The following ZNF514 variants were observed in gnomAD, a reference collection of about 807,000 sequenced individuals.
ZNF514 encodes zinc finger protein 514.
A neutral mutation model predicts 9.7 loss-of-function variants in ZNF514; 12 were observed. The observed-to-expected ratio is 1.24, with a 90% CI of 0.79 to 2.01. The LOEUF (loss-of-function observed/expected upper bound fraction) is 2.01. ZNF514 is among the 30% of genes most tolerant of loss of function. ZNF514 has a pLI of 0.00. For missense variants in ZNF514, 467 were observed against 465.5 expected, an observed-to-expected ratio of 1.00 and a Z score of -0.03; for synonymous variants, 158 against 163.7, an observed-to-expected ratio of 0.97 and a Z score of 0.27.
chr2:95,149,130 A>T lies in ZNF514; in HGVS notation c.*152T>A. On this transcript the variant is annotated 3_prime_UTR_variant, in exon 5 of 5. Coordinates refer to ENST00000295208, the MANE Select transcript of ZNF514 (RefSeq NM_032788.3). ...GGAAGCCCACCCCCTCTTGACATTG[A>T]CAGGGATTCTCTTTAGTAATTATTG... 1.0e-6 allele frequency: 1 copy of T among 980,584 alleles called. No homozygotes were observed. The highest frequency in any genetic ancestry group is 1.6e-5 in the African/African-American group (1 of 61,356). 60.7% of individuals were successfully genotyped at this position (980,584 alleles called of 1,614,324 possible).
At chr2:95,152,306 G>A (rs1226913127) in intron 4 of ZNF514, among the ~76,000 whole-genome samples, 1 of 151,744 alleles carries the variant, frequency 6.6e-6, no homozygotes, top group East Asian at 1.9e-4. Flanking sequence ...TCATTTCTGG[G>A]GTGCTCAACT....
In ZNF514 at chr2:95,145,726, C is replaced by T. The variant is rs1271347646; in HGVS notation, c.*3556G>A. 1.3e-5 allele frequency among the ~76,000 whole-genome samples: 2 copies of T among 152,188 alleles called. No individual in the cohort carries two copies. Among genetic ancestry groups the T allele is most frequent in the African/African-American group, 2.4e-5 (1 of 41,448 alleles). On this transcript the variant is annotated 3_prime_UTR_variant, in exon 5 of 5. Coordinates refer to ENST00000295208, the MANE Select transcript of ZNF514 (RefSeq NM_032788.3). ...AAATCTTACATGTATTGATGTCTTACATTCCCCTAAAATGTAAAAATGCAT... is the reference window on the plus strand; with the variant it reads ...AAATCTTACATGTATTGATGTCTTATATTCCCCTAAAATGTAAAAATGCAT...
rs940492905 is a variant in ZNF514, at chr2:95,148,888, A to G, written c.*394T>C. 1 of 177,204 alleles carries G rather than the reference A, an allele frequency of 5.6e-6. No homozygotes were observed. The highest frequency in any genetic ancestry group is 1.2e-5 in the Non-Finnish European group (1 of 84,292). 11.0% of individuals were successfully genotyped at this position (177,204 alleles called of 1,614,324 possible). ...CTGAAGATTTTTCCATACTTACCAC[A>G]CTTGTAGGATTTCTCTCCAGTACAA... On this transcript the variant is annotated 3_prime_UTR_variant, in exon 5 of 5. Coordinates refer to ENST00000295208, the MANE Select transcript of ZNF514 (RefSeq NM_032788.3).
Position 95,152,631 on chromosome 2 carries a change from A to C in ZNF514, c.217+43T>G, listed in dbSNP as rs778337331. The C allele has an allele frequency of 9.0e-6, 14 of 1,558,732 alleles. No individual in the cohort carries two copies. The East Asian group carries it at 2.7e-4, about 30-fold the overall frequency. On this transcript the variant is annotated intron_variant, in intron 4 of 4. Coordinates refer to ENST00000295208, the MANE Select transcript of ZNF514 (RefSeq NM_032788.3). ...AAGGCTCTGGGCTACCTCCCACCCC[A>C]GCTGGGCCTTATCATATGCAATGCT...
At chr2:95,152,423 G>A (rs1673567965) in intron 4 of ZNF514, among the ~76,000 whole-genome samples, 1 of 152,088 alleles carries the variant, frequency 6.6e-6, no homozygotes, top group African/African-American at 2.4e-5. Flanking sequence ...ATCTAGTGAT[G>A]CTGCATGGCA....
Position 95,152,722 on chromosome 2 carries a change from C to A in ZNF514, c.169G>T (p.Gly57Cys). ...TCTCTCTCCACCATGAAGGGCTCAC[C>A]CCCTTCCTCCAACTGGCAGATCACA... is the stretch of plus-strand genomic sequence containing the variant. ...PYVICQLEEGGEPFMVEREIS... is the reference protein window; with the variant it reads ...PYVICQLEEGCEPFMVEREIS... Residue 57 changes from glycine to cysteine, a missense_variant, in exon 4 of 5, where the codon GGT becomes TGT. Gly to Cys is a radical substitution (Grantham distance 159). Coordinates refer to ENST00000295208, the MANE Select transcript of ZNF514 (RefSeq NM_032788.3). 1.9e-6 allele frequency: 3 copies of A among 1,614,164 alleles called. No homozygotes were observed. The African/African-American group carries it at 4.0e-5, about 22-fold the overall frequency.
At chr2:95,143,988 A>G (rs1673305297), downstream of ZNF514, among the ~76,000 whole-genome samples, 1 of 152,216 alleles carries the variant, frequency 6.6e-6, no homozygotes, top group African/African-American at 2.4e-5. Context: ...CTACTTGGGA[A>G]GTCCACAGTG....
chr2:95,136,665 CAG>C, the ZNF514 span, among the ~76,000 whole-genome samples: 2 of 151,120 alleles, frequency 1.3e-5, no homozygotes. Flanking sequence ...TCTTACCTAA[CAG>C]AAAGTTATGG....
chr2:95,136,620 C>T, the ZNF514 span, among the ~76,000 whole-genome samples: 22 of 101,824 alleles, frequency 2.2e-4, no homozygotes, highest in Admixed American at 1.9e-4. Flanking sequence ...CTGCTCCTAA[C>T]AGGAAAAAAA....
At chr2:95,124,985 G>A in the ZNF514 span, among the ~76,000 whole-genome samples, 2 of 151,790 alleles carry the variant, frequency 1.3e-5, no homozygotes, top group African/African-American at 2.4e-5. Context: ...AGGTTCAAGC[G>A]ATTCTCCTGC....
At chr2:95,132,783 G>T in the ZNF514 span, among the ~76,000 whole-genome samples, 5 of 149,392 alleles carry the variant, frequency 3.3e-5, no homozygotes, top group Non-Finnish European at 5.9e-5. Flanking sequence ...CAGGAGACTC[G>T]CTTGAACCCA....
At chr2:95,155,761 C>T (rs561528913) in intron 2 of ZNF514, 2 of 152,346 alleles carry the variant, frequency 1.3e-5, no homozygotes, top group South Asian at 4.1e-4. Flanking sequence ...CTTCCCACTT[C>T]ATTAACATTA....
chr2:95,149,277 T>A lies in ZNF514; in HGVS notation c.*5A>T. On this transcript the variant is annotated 3_prime_UTR_variant, in exon 5 of 5. Transcript: ENST00000295208. ...CAGCTGAAAGCCCTTCTATATTCAC[T>A]GAATTTATAGGGTTTTTTTTCCAGC... 6.4e-7 allele frequency: 1 copy of A among 1,557,716 alleles called. No homozygotes were observed. Among genetic ancestry groups the A allele is most frequent in the Non-Finnish European group, 8.7e-7 (1 of 1,155,064 alleles).
the ZNF514 span, among the ~76,000 whole-genome samples, chr2:95,126,621 T>G: frequency 6.6e-6 from 1 of 152,144 alleles, no homozygotes. Flanking sequence ...GATGTTGAAT[T>G]TCTTTTCATG....
intron 1 of ZNF514, chr2:95,158,948 A>C (rs1558704637): frequency 7.0e-6 from 9 of 1,289,660 alleles, no homozygotes; most frequent in Non-Finnish European, 9.1e-6. Flanking sequence ...GGCCCTCTGC[A>C]CGCTCCAGAG....
At chr2:95,137,683 G>A in the ZNF514 span, among the ~76,000 whole-genome samples, 1 of 152,118 alleles carries the variant, frequency 6.6e-6, no homozygotes, top group Non-Finnish European at 1.5e-5. Context: ...ATATTAATGG[G>A]GTTGAAGCAT....
chr2:95,141,145 T>G (rs567660566), downstream of ZNF514, among the ~76,000 whole-genome samples: 7 of 152,140 alleles, frequency 4.6e-5, no homozygotes, highest in South Asian at 1.2e-3. Context: ...AAGAACTTAT[T>G]CATGTAACCA....
rs889770239 is a variant in ZNF514 at position 95,145,058 on chromosome 2, T to C, written c.*4224A>G. ...TCTTCTAGAAAGAAGGCTTTTCATA[T>C]AGTACAAAAACATGCAGTCGGAAGC... On this transcript the variant is annotated 3_prime_UTR_variant, in exon 5 of 5. Transcript: ENST00000295208. Among the ~76,000 whole-genome samples, 9 of 152,210 alleles carry C rather than the reference T, an allele frequency of 5.9e-5. No homozygotes were observed. The highest frequency in any genetic ancestry group is 2.2e-4 in the African/African-American group (9 of 41,462).
downstream of ZNF514, among the ~76,000 whole-genome samples, chr2:95,141,900 A>G (rs1288749436): frequency 6.6e-6 from 1 of 152,230 alleles, no homozygotes; most frequent in Non-Finnish European, 1.5e-5. Flanking sequence ...AGAACTATAC[A>G]GATAATTCAA....
Sources: allele counts gnomAD v4.1 joint callset (sites outside exome capture counted in the v4.1 genomes callset), GRCh38; gene constraint gnomAD v4.1.1; transcripts MANE v1.5; gene names NCBI Gene and HGNC (gene_info 2026-07-23, HGNC 2026-07-21).